GRID2: variants seen among roughly 807,000 people sequenced by gnomAD.
The protein encoded by GRID2 is glutamate receptor ionotropic, delta-2.
In GRID2, 33 loss-of-function variants were observed where a neutral mutation model predicts 114.8. That is an observed-to-expected ratio of 0.29 (90% CI 0.22 to 0.38). The LOEUF (loss-of-function observed/expected upper bound fraction) is 0.38, where lower values mean the gene tolerates loss of function less well. GRID2 is among the 10% of genes least tolerant of loss of function. The probability of loss-of-function intolerance (pLI) is 1.00; values close to 1 mark genes in which losing one functional copy is unlikely to be tolerated. For missense variants in GRID2, 1,184 were observed against 1,257.7 expected (o/e 0.94, Z 0.89); for synonymous variants, 505 against 449.9 (o/e 1.12, Z -1.55).
At chr4:92,672,405 G>T (rs1733117958) in intron 2 of GRID2, among the ~76,000 whole-genome samples, 1 of 152,024 alleles carries the variant, frequency 6.6e-6, no homozygotes, top group South Asian at 2.1e-4. Context: ...AATACCCAAT[G>T]TTAAAATACA....
At position 93,085,622 on chromosome 4, in the gene GRID2, T is replaced by A. The variant is rs1730269443; in HGVS notation, c.529+343T>A. Among the ~76,000 whole-genome samples the A allele has an allele frequency of 2.0e-5, 3 of 152,288 alleles. No individual in the cohort carries two copies. In the South Asian group the frequency reaches 6.2e-4, roughly 32 times the overall value. On this transcript the variant is annotated intron_variant, in intron 3 of 15. Coordinates refer to ENST00000282020, the MANE Select transcript of GRID2 (RefSeq NM_001510.4). ...GTCTTTCTTCCCTTTCAAAAAAATG[T>A]ATACCTCTCTATAATGCAGAAGATC... is the stretch of plus-strand genomic sequence containing the variant.
chr4:92,629,140 T>A lies in GRID2; in HGVS notation c.244+38854T>A, dbSNP rs548354578. ...CCATCATGTCTTTGTATATGTTACC[T>A]CAGATTAAACAGTAGAAATAATAAT... On this transcript the variant is annotated intron_variant, in intron 2 of 15. Transcript: ENST00000282020. Among the ~76,000 whole-genome samples, 21 of 152,164 alleles carry A rather than the reference T, an allele frequency of 1.4e-4. No individual in the cohort carries two copies. The East Asian group carries it at 3.9e-3, about 28-fold the overall frequency.
At chr4:92,440,372 T>C (rs1221184454) in intron 1 of GRID2, among the ~76,000 whole-genome samples, 2 of 148,828 alleles carry the variant, frequency 1.3e-5, no homozygotes, top group African/African-American at 4.9e-5. Context: ...ATGACTGCGG[T>C]GGCCTTCTCA....
At chr4:93,737,888 T>G (rs927117594) in intron 14 of GRID2, among the ~76,000 whole-genome samples, 1 of 152,194 alleles carries the variant, frequency 6.6e-6, no homozygotes, top group African/African-American at 2.4e-5. Context: ...ATCTTTATTG[T>G]CTTATTGCAA....
intron 2 of GRID2, among the ~76,000 whole-genome samples, chr4:92,898,381 T>A (rs1388296186): frequency 6.6e-6 from 1 of 152,286 alleles, no homozygotes; most frequent in East Asian, 1.9e-4. Flanking sequence ...TTTTTCCCAA[T>A]GATTTCTAAA....
In GRID2 at chr4:93,788,249, C is replaced by T. The variant is rs988404765; in HGVS notation, c.222-18466C>T. Among the ~76,000 whole-genome samples the T allele has an allele frequency of 5.4e-5, 8 of 149,060 alleles. No homozygotes were observed. In the East Asian group the frequency reaches 8.0e-4, roughly 15 times the overall value. On this transcript the variant is annotated intron_variant, in intron 1 of 1. Coordinates refer to the GRID2 transcript ENST00000637838. ...AGGAGAATAGCTTGAACCCGGGAGG[C>T]GGAGGTTGCAGTGAGCCGAGATCAC...
intron 3 of GRID2, among the ~76,000 whole-genome samples, chr4:93,094,854 C>T (rs1731067110): frequency 6.6e-6 from 1 of 151,482 alleles, no homozygotes; most frequent in African/African-American, 2.4e-5. Flanking sequence ...TCACTGAGCC[C>T]CAAGCATAAG....
intron 9 of GRID2, among the ~76,000 whole-genome samples, chr4:93,415,628 A>G (rs1250725239): frequency 6.6e-6 from 1 of 152,022 alleles, no homozygotes; most frequent in Non-Finnish European, 1.5e-5. Context: ...ACTTACAGCA[A>G]CTTATGCTTC....
At chr4:93,471,905 G>A (rs1198999629) in intron 11 of GRID2, among the ~76,000 whole-genome samples, 1 of 148,578 alleles carries the variant, frequency 6.7e-6, no homozygotes, top group Non-Finnish European at 1.5e-5. Flanking sequence ...TCCCCATGTT[G>A]GTCAGGCTGG....
chr4:93,115,205 C>T (rs1362748483), intron 4 of GRID2, among the ~76,000 whole-genome samples: 2 of 151,670 alleles, frequency 1.3e-5, no homozygotes, highest in Non-Finnish European at 2.9e-5. Flanking sequence ...ATTTCTACCT[C>T]CAGTTATTCT....
In GRID2 at chr4:93,772,513, T is replaced by A; in HGVS notation, c.*15T>A. 6.5e-7 allele frequency: 1 copy of A among 1,533,458 alleles called. No homozygotes were observed. The highest frequency in any genetic ancestry group is 8.8e-7 in the Non-Finnish European group (1 of 1,138,700). 95.0% of individuals were successfully genotyped at this position (1,533,458 alleles called of 1,614,324 possible). A position where few individuals can be genotyped will look rare whatever the true frequency, so the allele number is the denominator to read the frequency against. On this transcript the variant is annotated 3_prime_UTR_variant, in exon 16 of 16. Coordinates refer to ENST00000282020, the MANE Select transcript of GRID2 (RefSeq NM_001510.4). ...CCTCCATATGAGCATCAAACAAATC[T>A]CTTCACTGTTTCTTTTTTAGGACTC...
intron 2 of GRID2, among the ~76,000 whole-genome samples, chr4:92,736,804 G>C (rs1204578576): frequency 1.3e-5 from 2 of 152,084 alleles, no homozygotes; most frequent in Non-Finnish European, 2.9e-5. Flanking sequence ...TACAAAGAGA[G>C]TAAAGTGACA....
chr4:92,884,023 T>C (rs1746198643), intron 2 of GRID2, among the ~76,000 whole-genome samples: 1 of 152,196 alleles, frequency 6.6e-6, no homozygotes, highest in Non-Finnish European at 1.5e-5. Flanking sequence ...AAGTCCTAGA[T>C]GGCGTGCTTG....
intron 2 of GRID2, among the ~76,000 whole-genome samples, chr4:92,712,550 A>G (rs1735308171): frequency 6.6e-6 from 1 of 152,136 alleles, no homozygotes; most frequent in African/African-American, 2.4e-5. Flanking sequence ...CCCTACTTCC[A>G]TATATAGTAT....
chr4:92,942,812 T>G (rs919277568), intron 2 of GRID2, among the ~76,000 whole-genome samples: 3 of 152,216 alleles, frequency 2.0e-5, no homozygotes, highest in Non-Finnish European at 4.4e-5. Flanking sequence ...AGGATTTTAT[T>G]TCTCCTTCGC....
intron 1 of GRID2, among the ~76,000 whole-genome samples, chr4:92,353,354 T>G (rs1280465670): frequency 1.3e-5 from 2 of 151,992 alleles, no homozygotes; most frequent in Non-Finnish European, 2.9e-5. Flanking sequence ...TCTGTCTATT[T>G]ACTTTCTTCC....
chr4:92,315,750 C>T (rs557269885), intron 1 of GRID2, among the ~76,000 whole-genome samples: 1 of 152,060 alleles, frequency 6.6e-6, no homozygotes, highest in African/African-American at 2.4e-5. Flanking sequence ...GCGGGTGGAT[C>T]ACCTGAGGTC....
chr4:93,761,528 G>T (rs1479535878), intron 14 of GRID2, among the ~76,000 whole-genome samples: 1 of 152,104 alleles, frequency 6.6e-6, no homozygotes, highest in Non-Finnish European at 1.5e-5. Context: ...GGGCCACAAA[G>T]TCTAAAATAT....
At chr4:92,711,918 G>A (rs998359899) in intron 2 of GRID2, among the ~76,000 whole-genome samples, 10 of 152,056 alleles carry the variant, frequency 6.6e-5, no homozygotes, top group Non-Finnish European at 1.3e-4. Context: ...AAATAAAAAT[G>A]AAATAAAGAG....
Sources: gnomAD v4.1 joint callset for allele counts (sites outside exome capture counted in the v4.1 genomes callset) on GRCh38, gnomAD v4.1.1 for gene constraint, MANE v1.5 for transcripts, NCBI Gene and HGNC (gene_info 2026-07-23, HGNC 2026-07-21) for gene names.